The following PACRG variants were observed in gnomAD, a reference collection of about 807,000 sequenced individuals.
PACRG encodes the protein parkin coregulated, also known as parkin coregulated gene protein.
PACRG carries 29 observed loss-of-function variants against 29.7 expected under a neutral mutation model. That is an observed-to-expected ratio of 0.98 (90% CI 0.73 to 1.33). PACRG has a LOEUF of 1.33. Among genes scored for constraint, PACRG ranks in the 40% most tolerant of loss-of-function variants. PACRG has a pLI of 0.00. For missense variants in PACRG, 279 were observed against 316.2 expected (o/e 0.88, Z 0.89); for synonymous variants, 116 against 118.7 (o/e 0.98, Z 0.15).
intron 2 of PACRG, among the ~76,000 whole-genome samples, chr6:162,995,224 G>A (rs567592751): frequency 1.8e-4 from 27 of 149,078 alleles, no homozygotes; most frequent in African/African-American, 6.0e-4. Flanking sequence ...CAGAGGTGGA[G>A]CCTACAGAGG....
chr6:163,300,570 G>A (rs1189440722), intron 4 of PACRG, among the ~76,000 whole-genome samples: 1 of 152,216 alleles, frequency 6.6e-6, no homozygotes, highest in South Asian at 2.1e-4. Flanking sequence ...TCTCCTCGTG[G>A]CCAGCAACGG....
chr6:162,987,955 T>A (rs1417130157), intron 2 of PACRG, among the ~76,000 whole-genome samples: 1 of 152,218 alleles, frequency 6.6e-6, no homozygotes, highest in Admixed American at 6.5e-5. Flanking sequence ...GGTTATTATG[T>A]CATGAGTTGC....
chr6:163,180,850 C>T (rs910843798), intron 4 of PACRG, among the ~76,000 whole-genome samples: 6 of 152,206 alleles, frequency 3.9e-5, no homozygotes, highest in East Asian at 1.9e-4. Flanking sequence ...GCAAACGCTG[C>T]GTCTCCTGGA....
chr6:162,877,892 T>A (rs1292288690), intron 2 of PACRG, among the ~76,000 whole-genome samples: 1 of 152,208 alleles, frequency 6.6e-6, no homozygotes, highest in East Asian at 1.9e-4. Context: ...TAGTTACCAA[T>A]GAACAAGTTC....
At chr6:163,061,407 C>CTGGA (rs1178478598) in intron 2 of PACRG, among the ~76,000 whole-genome samples, 1 of 152,182 alleles carries the variant, frequency 6.6e-6, no homozygotes, top group African/African-American at 2.4e-5. Flanking sequence ...CCTGGTGCTG[C>CTGGA]TGGATGCTAC....
At chr6:163,169,994 A>C (rs937618827) in intron 4 of PACRG, among the ~76,000 whole-genome samples, 5 of 152,034 alleles carry the variant, frequency 3.3e-5, no homozygotes, top group African/African-American at 9.7e-5. Flanking sequence ...CTGTGTCCTT[A>C]TCTCTTTTTA....
At chr6:163,032,025 C>A (rs1351331686) in intron 2 of PACRG, among the ~76,000 whole-genome samples, 1 of 152,172 alleles carries the variant, frequency 6.6e-6, no homozygotes, top group African/African-American at 2.4e-5. Flanking sequence ...AAAACAGATT[C>A]TTATTGCACT....
intron 1 of PACRG, among the ~76,000 whole-genome samples, chr6:162,787,236 T>C (rs1784529138): frequency 6.6e-6 from 1 of 152,046 alleles, no homozygotes; most frequent in African/African-American, 2.4e-5. Context: ...TTATTACCTA[T>C]TGGAGAAGCT....
intron 2 of PACRG, among the ~76,000 whole-genome samples, chr6:162,883,764 G>T (rs1794101633): frequency 6.6e-6 from 1 of 151,564 alleles, no homozygotes; most frequent in African/African-American, 2.4e-5. Flanking sequence ...CTTGAACAAT[G>T]CAGGGGTTAG....
intron 2 of PACRG, among the ~76,000 whole-genome samples, chr6:162,913,796 C>T (rs965676389): frequency 2.0e-5 from 3 of 152,138 alleles, no homozygotes; most frequent in African/African-American, 4.8e-5. Context: ...TGATGACTAA[C>T]AATATTGAGC....
At chr6:163,259,418 C>A (rs892277576) in intron 4 of PACRG, among the ~76,000 whole-genome samples, 2 of 152,160 alleles carry the variant, frequency 1.3e-5, no homozygotes, top group East Asian at 3.9e-4. Context: ...TTAGTGGTAT[C>A]GTCCTGTGTC....
At chr6:162,756,784 T>A (rs1289517363) in intron 1 of PACRG, among the ~76,000 whole-genome samples, 1 of 152,152 alleles carries the variant, frequency 6.6e-6, no homozygotes, top group Admixed American at 6.5e-5. Flanking sequence ...ATGCTTTGAG[T>A]CCTTTTTAAA....
intron 4 of PACRG, among the ~76,000 whole-genome samples, chr6:163,259,776 GC>G (rs1345799757): frequency 6.6e-6 from 1 of 152,094 alleles, no homozygotes; most frequent in African/African-American, 2.4e-5. Context: ...CCCATCTGTG[GC>G]CCCTTTCCTT....
rs1054197006 is a variant in PACRG, at chr6:163,238,654, G to A, written c.614-76173G>A. On this transcript the variant is annotated intron_variant, in intron 4 of 4. Coordinates refer to ENST00000366888, the MANE Select transcript of PACRG (RefSeq NM_001080379.2). ...TTGACTGCTGGTGGTCTCAGACAAA[G>A]AAGGAACACGTTCAACACCACCATC... Among the ~76,000 whole-genome samples the A allele has an allele frequency of 2.0e-5, 3 of 152,326 alleles. No individual in the cohort carries two copies. The East Asian group carries it at 5.8e-4, about 29-fold the overall frequency.
chr6:162,998,383 A>G (rs1046405753), intron 2 of PACRG, among the ~76,000 whole-genome samples: 4 of 152,220 alleles, frequency 2.6e-5, no homozygotes, highest in Non-Finnish European at 5.9e-5. Flanking sequence ...ATCACCTGGC[A>G]TGACTTTCCT....
intron 4 of PACRG, among the ~76,000 whole-genome samples, chr6:163,222,587 T>A (rs776991483): frequency 7.9e-5 from 12 of 152,206 alleles, no homozygotes; most frequent in Admixed American, 1.3e-4. Flanking sequence ...CACTTAAAAA[T>A]ATATATATGT....
chr6:162,727,355 C>T, upstream of PACRG: 2 of 440,290 alleles, frequency 4.5e-6, no homozygotes, highest in Non-Finnish European at 8.0e-6. Flanking sequence ...CGGGACCCCA[C>T]ACGGTCCGGG....
At chr6:163,173,719 C>T (rs1222103856) in intron 4 of PACRG, among the ~76,000 whole-genome samples, 2 of 152,232 alleles carry the variant, frequency 1.3e-5, no homozygotes, top group Non-Finnish European at 2.9e-5. Context: ...GTCGCCCTCT[C>T]CACCCTGAAA....
intron 4 of PACRG, among the ~76,000 whole-genome samples, chr6:163,204,101 G>C (rs1219537951): frequency 6.6e-6 from 1 of 152,188 alleles, no homozygotes; most frequent in Non-Finnish European, 1.5e-5. Context: ...CCTGAATCCT[G>C]TGATAGGGTT....
Sources: allele counts gnomAD v4.1 joint callset (sites outside exome capture counted in the v4.1 genomes callset), GRCh38; gene constraint gnomAD v4.1.1; transcripts MANE v1.5; gene names NCBI Gene and HGNC (gene_info 2026-07-23, HGNC 2026-07-21).